Variants in PPP2R2B observed in about 807,000 individuals in gnomAD.
PPP2R2B encodes protein phosphatase 2 regulatory subunit Bbeta.
A neutral mutation model predicts 46.0 loss-of-function variants in PPP2R2B; 5 were observed. The observed-to-expected ratio is 0.11, with a 90% CI of 0.06 to 0.23. PPP2R2B has a LOEUF of 0.23. PPP2R2B is among the 10% of genes least tolerant of loss of function. The pLI is 1.00. For synonymous variants in PPP2R2B, 215 were observed against 206.7 expected, an observed-to-expected ratio of 1.04 and a Z score of -0.34; for missense variants, 367 against 575.0, an observed-to-expected ratio of 0.64 and a Z score of 3.70.
At chr5:147,078,637 G>A (rs1159708148) in intron 2 of PPP2R2B, among the ~76,000 whole-genome samples, 1 of 151,516 alleles carries the variant, frequency 6.6e-6, no homozygotes, top group East Asian at 1.9e-4. Flanking sequence ...AATACAAAAA[G>A]AAATAAAAAT....
intron 2 of PPP2R2B, among the ~76,000 whole-genome samples, chr5:146,716,862 G>A (rs1208719945): frequency 2.0e-5 from 3 of 152,194 alleles, no homozygotes; most frequent in Non-Finnish European, 4.4e-5. Context: ...AATGTTGATA[G>A]ATGGCTCAAA....
At chr5:147,020,112 A>G (rs1369966725) in intron 1 of PPP2R2B, among the ~76,000 whole-genome samples, 1 of 152,040 alleles carries the variant, frequency 6.6e-6, no homozygotes, top group Non-Finnish European at 1.5e-5. Context: ...TTAGAGTTGC[A>G]TCACTTTCTA....
Position 146,591,843 on chromosome 5 carries a change from G to A in PPP2R2B, c.1052+1128C>T, listed in dbSNP as rs553130542. On this transcript the variant is annotated intron_variant, in intron 9 of 9. Transcript: ENST00000394411. ...TGGGCAGATTACTTTATCTTGCTAA[G>A]CCTCAGTTTCCTTAACTGTAAAATG... 2.6e-5 allele frequency among the ~76,000 whole-genome samples: 4 copies of A among 152,192 alleles called. No homozygotes were observed. The South Asian group carries it at 8.3e-4, about 32-fold the overall frequency.
intron 2 of PPP2R2B, among the ~76,000 whole-genome samples, chr5:147,069,953 G>A (rs902464293): frequency 2.0e-5 from 3 of 151,590 alleles, no homozygotes; most frequent in Admixed American, 6.6e-5. Flanking sequence ...ACCATACCTG[G>A]CTAATTTTTG....
chr5:146,900,553 T>TC, intron 1 of PPP2R2B, among the ~76,000 whole-genome samples: 1 of 104,148 alleles, frequency 9.6e-6, no homozygotes, highest in African/African-American at 3.6e-5. Context: ...TTTCCTTCCT[T>TC]TCTTCCTTCC....
At chr5:146,642,985 A>T (rs1016060147) in intron 6 of PPP2R2B, among the ~76,000 whole-genome samples, 2 of 152,184 alleles carry the variant, frequency 1.3e-5, no homozygotes, top group Admixed American at 1.3e-4. Context: ...TGAGCCTGGG[A>T]GGTTGAGGCT....
intron 2 of PPP2R2B, among the ~76,000 whole-genome samples, chr5:146,868,218 C>T (rs968433076): frequency 1.3e-4 from 20 of 152,228 alleles, no homozygotes; most frequent in Admixed American, 2.0e-4. Flanking sequence ...TGGCTCCTCT[C>T]AAAGTCATGG....
At chr5:146,940,463 T>C (rs1295298238) in intron 1 of PPP2R2B, among the ~76,000 whole-genome samples, 2 of 151,894 alleles carry the variant, frequency 1.3e-5, no homozygotes, top group Non-Finnish European at 2.9e-5. Flanking sequence ...TATACCTACT[T>C]GTTCTGGCCA....
At chr5:146,935,920 C>T (rs1342258399) in intron 1 of PPP2R2B, among the ~76,000 whole-genome samples, 1 of 152,104 alleles carries the variant, frequency 6.6e-6, no homozygotes, top group Non-Finnish European at 1.5e-5. Flanking sequence ...TATGCCACTT[C>T]TAAGACTCAT....
At chr5:146,811,856 C>T (rs578039061) in intron 2 of PPP2R2B, among the ~76,000 whole-genome samples, 2 of 151,894 alleles carry the variant, frequency 1.3e-5, no homozygotes, top group South Asian at 2.1e-4. Flanking sequence ...TGTGAGCCAC[C>T]GTGCCCAGCC....
At chr5:146,626,121 T>A (rs1412253267) in intron 7 of PPP2R2B, among the ~76,000 whole-genome samples, 1 of 151,234 alleles carries the variant, frequency 6.6e-6, no homozygotes, top group Non-Finnish European at 1.5e-5. Flanking sequence ...GGTAAGTTAG[T>A]GTTGTTTTAA....
At chr5:146,628,374 T>C (rs1211171471) in intron 7 of PPP2R2B, among the ~76,000 whole-genome samples, 2 of 152,170 alleles carry the variant, frequency 1.3e-5, no homozygotes, top group Non-Finnish European at 2.9e-5. Flanking sequence ...GGCCAATCCT[T>C]GGGCTGCAGA....
At chr5:146,822,514 C>T (rs565830836) in intron 2 of PPP2R2B, among the ~76,000 whole-genome samples, 1 of 151,352 alleles carries the variant, frequency 6.6e-6, no homozygotes, top group African/African-American at 2.4e-5. Flanking sequence ...GTCCTCATTC[C>T]CTAAATTTTC....
intron 7 of PPP2R2B, among the ~76,000 whole-genome samples, chr5:146,627,719 C>T (rs1237895496): frequency 6.6e-6 from 1 of 152,138 alleles, no homozygotes; most frequent in African/African-American, 2.4e-5. Context: ...CCTCTCTGTG[C>T]CTCATCTATA....
intron 1 of PPP2R2B, among the ~76,000 whole-genome samples, chr5:147,014,924 A>T (rs1204473384): frequency 2.0e-5 from 3 of 152,104 alleles, no homozygotes; most frequent in African/African-American, 7.2e-5. Flanking sequence ...AATGAATTTC[A>T]TAGACTGGGT....
chr5:146,706,617 T>A (rs1779874031), intron 2 of PPP2R2B: 1 of 812,264 alleles, frequency 1.2e-6, no homozygotes, highest in African/African-American at 1.7e-5. Context: ...CTGCTCCGCA[T>A]CTGCGATGCC....
In PPP2R2B at chr5:146,813,518, T is replaced by C. The variant is rs149330857; in HGVS notation, c.70+64484A>G. Among the ~76,000 whole-genome samples the C allele has an allele frequency of 1.4e-3, 207 of 152,280 alleles. 2 individuals carry two copies. The highest frequency in any genetic ancestry group is 4.8e-3 in the African/African-American group (198 of 41,560). ...TGAATCAGTGTGTCGCTCGGTTCCA[T>C]GGAGACAAATCCAAGTAGGCACTGG... On this transcript the variant is annotated intron_variant, in intron 2 of 9. Transcript: ENST00000394411.
chr5:146,977,591 G>A (rs1341973918), intron 1 of PPP2R2B, among the ~76,000 whole-genome samples: 1 of 152,082 alleles, frequency 6.6e-6, no homozygotes, highest in South Asian at 2.1e-4. Context: ...TGTTCTCACT[G>A]TTCAACTCCC....
chr5:147,045,502 A>G (rs1434196232), intron 1 of PPP2R2B, among the ~76,000 whole-genome samples: 1 of 152,108 alleles, frequency 6.6e-6, no homozygotes, highest in Non-Finnish European at 1.5e-5. Context: ...GTGTTTCCCC[A>G]GTGATGAAAG....
Sources: allele counts gnomAD v4.1 joint callset (sites outside exome capture counted in the v4.1 genomes callset), GRCh38; gene constraint gnomAD v4.1.1; transcripts MANE v1.5; gene names NCBI Gene and HGNC (gene_info 2026-07-23, HGNC 2026-07-21).